The following GNAI1 variants were observed in gnomAD, a reference collection of about 807,000 sequenced individuals.
GNAI1 encodes the protein G protein subunit alpha i1.
Under a neutral mutation model 38.9 loss-of-function variants are expected in GNAI1, and 11 were observed. The ratio of observed to expected loss-of-function variants is 0.28; its 90% CI spans 0.18 to 0.47. The LOEUF (loss-of-function observed/expected upper bound fraction) is 0.47, where lower values mean the gene tolerates loss of function less well. Ranked by LOEUF, GNAI1 falls within the 20% of genes least tolerant of loss-of-function variation. GNAI1 has a pLI of 0.99. For missense variants in GNAI1, 317 were observed against 436.9 expected (o/e 0.73, Z 2.45); for synonymous variants, 166 against 145.1 (o/e 1.14, Z -1.04).
intron 3 of GNAI1, among the ~76,000 whole-genome samples, chr7:80,191,379 T>C (rs921526408): frequency 6.6e-6 from 1 of 152,084 alleles, no homozygotes; most frequent in African/African-American, 2.4e-5. Context: ...AACATTTTAT[T>C]ATTATTATTA....
In GNAI1 at chr7:80,135,118, T is replaced by A. The variant is rs760137450; in HGVS notation, c.-43T>A. The A allele has an allele frequency of 7.4e-7, 1 of 1,345,328 alleles. No homozygotes were observed. Among genetic ancestry groups the A allele is most frequent in the Non-Finnish European group, 1.0e-6 (1 of 1,003,224 alleles). 83.3% of individuals were successfully genotyped at this position (1,345,328 alleles called of 1,614,324 possible). A position where few individuals can be genotyped will look rare whatever the true frequency, so the allele number is the denominator to read the frequency against. On this transcript the variant is annotated 5_prime_UTR_variant, in exon 1 of 8. Transcript: ENST00000649796. ...ATTCCCCTGTGCTTGGAGCCCGCAC[T>A]CGGGCGCGGAGGGAGCGGCGGCAGG...
chr7:80,203,951 A>G (rs956021516), intron 5 of GNAI1, 119 bp downstream of exon 5: 13 of 587,090 alleles, frequency 2.2e-5, no homozygotes, highest in East Asian at 6.8e-5. Context: ...TTGGAAAAAA[A>G]CTTTCTTCAG....
At chr7:80,145,196 T>C (rs1339496117) in intron 1 of GNAI1, among the ~76,000 whole-genome samples, 1 of 152,210 alleles carries the variant, frequency 6.6e-6, no homozygotes, top group African/African-American at 2.4e-5. Context: ...TATTTAAACT[T>C]TTCAGAATAT....
intron 1 of GNAI1, among the ~76,000 whole-genome samples, chr7:80,140,522 T>A (rs1470800434): frequency 1.3e-5 from 2 of 152,116 alleles, no homozygotes; most frequent in African/African-American, 4.8e-5. Context: ...TGTATTTGAG[T>A]GTGTTTGTTG....
intron 1 of GNAI1, among the ~76,000 whole-genome samples, chr7:80,136,751 A>G (rs1787423359): frequency 6.6e-6 from 1 of 152,156 alleles, no homozygotes; most frequent in African/African-American, 2.4e-5. Flanking sequence ...CTGGTGTGAT[A>G]CGTTGTTTCA....
intron 1 of GNAI1, among the ~76,000 whole-genome samples, chr7:80,183,858 TC>T (rs1360974703): frequency 1.3e-5 from 2 of 152,142 alleles, no homozygotes; most frequent in Admixed American, 6.5e-5. Flanking sequence ...TTATTTTTTC[TC>T]CCTTCCTCCC....
intron 1 of GNAI1, among the ~76,000 whole-genome samples, chr7:80,170,145 CTG>C (rs759454329): frequency 3.9e-4 from 59 of 152,236 alleles, no homozygotes; most frequent in Non-Finnish European, 6.9e-4. Context: ...AACTTTTTGC[CTG>C]TGAGTATATT....
At chr7:80,156,330 A>G (rs1787818395) in intron 1 of GNAI1, among the ~76,000 whole-genome samples, 1 of 152,232 alleles carries the variant, frequency 6.6e-6, no homozygotes, top group Non-Finnish European at 1.5e-5. Flanking sequence ...GTAGCAGTGA[A>G]TAAGAGATTT....
chr7:80,185,620 C>T (rs1275787231), intron 1 of GNAI1, among the ~76,000 whole-genome samples: 1 of 152,094 alleles, frequency 6.6e-6, no homozygotes, highest in Non-Finnish European at 1.5e-5. Flanking sequence ...TATCTCTGTT[C>T]GGTGGCCCTA....
chr7:80,165,573 T>G (rs1226325161), intron 1 of GNAI1, among the ~76,000 whole-genome samples: 1 of 152,228 alleles, frequency 6.6e-6, no homozygotes, highest in Non-Finnish European at 1.5e-5. Context: ...AAGACAGTCT[T>G]TATTTTCAGT....
intron 1 of GNAI1, among the ~76,000 whole-genome samples, chr7:80,178,838 G>A (rs1354765185): frequency 1.3e-5 from 2 of 152,110 alleles, no homozygotes; most frequent in South Asian, 2.1e-4. Flanking sequence ...CATAGAAATC[G>A]TTTCAGATTC....
At chr7:80,199,671 C>T (rs1203656952) in intron 4 of GNAI1, among the ~76,000 whole-genome samples, 4 of 152,108 alleles carry the variant, frequency 2.6e-5, no homozygotes, top group Non-Finnish European at 5.9e-5. Flanking sequence ...GTAACTGGAA[C>T]TTTCCAAAAT....
chr7:80,208,007 G>A (rs557483839), intron 5 of GNAI1, among the ~76,000 whole-genome samples: 52 of 151,990 alleles, frequency 3.4e-4, no homozygotes, highest in African/African-American at 1.2e-3. Context: ...GTATAAATGC[G>A]TTATGCATTT....
chr7:80,195,644 T>A lies in GNAI1; in HGVS notation c.304-3581T>A, dbSNP rs141321863. On this transcript the variant is annotated intron_variant, in intron 3 of 7. Coordinates refer to ENST00000649796, the MANE Select transcript of GNAI1 (RefSeq NM_002069.6). Reference sequence around the variant, plus strand: ...GGCCTTCAATAAAATTCAACAGCCCTTCATGCTAAAAACTCTCAATAACAC... The same window carrying A: ...GGCCTTCAATAAAATTCAACAGCCCATCATGCTAAAAACTCTCAATAACAC... 2.0e-3 allele frequency among the ~76,000 whole-genome samples: 307 copies of A among 152,100 alleles called. 10 individuals are homozygous for A. In the East Asian group the frequency reaches 0.049, roughly 24 times the overall value.
At chr7:80,135,963 C>T in intron 1 of GNAI1, 4 of 985,124 alleles carry the variant, frequency 4.1e-6, no homozygotes, top group Non-Finnish European at 4.8e-6. Context: ...TAGTAGTAGG[C>T]AAGGCAGATA....
intron 3 of GNAI1, among the ~76,000 whole-genome samples, chr7:80,198,714 G>T (rs1266175108): frequency 6.6e-6 from 1 of 152,044 alleles, no homozygotes; most frequent in East Asian, 1.9e-4. Flanking sequence ...TAGTCTTCTG[G>T]TCTTGCCCAC....
chr7:80,144,499 C>A (rs78125096), intron 1 of GNAI1, among the ~76,000 whole-genome samples: 1,967 of 152,174 alleles, frequency 0.013, 24 homozygotes, highest in East Asian at 0.064. Context: ...AGTATTTGTG[C>A]CTTTTAATAA....
Position 80,217,639 on chromosome 7 carries a change from T to A in GNAI1, c.*146T>A, listed in dbSNP as rs1210794997. 1.2e-5 allele frequency: 6 copies of A among 480,344 alleles called. No homozygotes were observed. The East Asian group carries it at 2.0e-4, about 16-fold the overall frequency. The allele number at this position is 480,344 out of a possible 1,614,324, so 29.8% of individuals were successfully genotyped here. Reference sequence around the variant, plus strand: ...GACCAAAGTTGTTCTGTTTTGTTTTTTTAACTGAAAGTAACAGAAGGACCT... The same window carrying A: ...GACCAAAGTTGTTCTGTTTTGTTTTATTAACTGAAAGTAACAGAAGGACCT... On this transcript the variant is annotated 3_prime_UTR_variant, in exon 8 of 8. Transcript: ENST00000649796.
At chr7:80,184,786 A>G (rs1220365837) in intron 1 of GNAI1, among the ~76,000 whole-genome samples, 1 of 152,116 alleles carries the variant, frequency 6.6e-6, no homozygotes, top group Non-Finnish European at 1.5e-5. Context: ...ATGCCTGACT[A>G]GCTACCTACT....
Sources: allele counts gnomAD v4.1 joint callset (sites outside exome capture counted in the v4.1 genomes callset), GRCh38; gene constraint gnomAD v4.1.1; transcripts MANE v1.5; gene names NCBI Gene and HGNC (gene_info 2026-07-23, HGNC 2026-07-21).